Variants in VLDLR observed in about 807,000 individuals in gnomAD.
The protein encoded by VLDLR is very low-density lipoprotein receptor.
A neutral mutation model predicts 112.7 loss-of-function variants in VLDLR; 81 were observed. The observed-to-expected ratio is 0.72, with a 90% confidence interval of 0.60 to 0.86. VLDLR has a LOEUF of 0.86. Ranked by LOEUF, VLDLR falls within the 40% of genes least tolerant of loss-of-function variation. The pLI, the probability that VLDLR is intolerant of heterozygous loss-of-function variation, is 0.00. For synonymous variants in VLDLR, 436 were observed against 384.8 expected (o/e 1.13, Z -1.56); for missense variants, 1,237 against 1,099.4 (o/e 1.13, Z -1.77).
chr9:2,648,142 G>A, intron 12 of VLDLR, 66 bp from the exon 13 acceptor site: 1 of 1,596,382 alleles, frequency 6.3e-7, no homozygotes. Flanking sequence ...TAATTCATTA[G>A]ATATTTTTAA....
chr9:2,654,576 T>TAAC lies in VLDLR; in HGVS notation c.*709_*711dup, dbSNP rs1488316940. On this transcript the variant is annotated 3_prime_UTR_variant, in exon 19 of 19. Transcript: ENST00000382100. ...GTGAGCTGTAGTTCTTGATGTTGTA[T>TAAC]AACTAAGCCTGTAATTGGGCTGGTT... 1 of 153,122 alleles carries TAAC rather than the reference T, an allele frequency of 6.5e-6. No homozygotes were observed. The highest frequency in any genetic ancestry group is 2.4e-5 in the African/African-American group (1 of 41,460). The allele number at this position is 153,122 out of a possible 1,614,324, so 9.5% of individuals were successfully genotyped here.
In VLDLR at chr9:2,641,371, C is replaced by T; in HGVS notation, c.326-6C>T. ...AGGCTCTTTTGAGACTGTATATCAT[C>T]AACAGATATGAGAACATGCCGCATA... On this transcript the variant is annotated splice_polypyrimidine_tract_variant and splice_region_variant and intron_variant, in intron 3 of 18. Coordinates refer to ENST00000382100, the MANE Select transcript of VLDLR (RefSeq NM_003383.5). The T allele has an allele frequency of 6.2e-7, 1 of 1,614,092 alleles. No individual in the cohort carries two copies. The highest frequency in any genetic ancestry group is 1.7e-5 in the Admixed American group (1 of 60,020).
At chr9:2,627,679 A>G (rs10114637) in intron 1 of VLDLR, among the ~76,000 whole-genome samples, 14,098 of 152,120 alleles carry the variant, frequency 0.093, 736 homozygotes, top group East Asian at 0.15. Flanking sequence ...CCTGGCCAAC[A>G]TAGTGAAAGC....
chr9:2,643,639 T>C lies in VLDLR; in HGVS notation c.832T>C (p.Cys278Arg). Reference protein sequence around the residue: ...SDEVNCPSRTCRPDQFECEDG... With the variant: ...SDEVNCPSRTRRPDQFECEDG... Reference sequence around the variant, plus strand: ...TCCTCCCTTTGTAGCCTCTCGAACTTGCCGACCTGACCAATTTGAATGTGA... The same window carrying C: ...TCCTCCCTTTGTAGCCTCTCGAACTCGCCGACCTGACCAATTTGAATGTGA... Residue 278 changes from cysteine (C) to arginine (R), a missense_variant, in exon 6 of 19, where the codon TGC becomes CGC. Physicochemically the swap from Cys to Arg is radical, Grantham distance 180. Coordinates refer to ENST00000382100, the MANE Select transcript of VLDLR (RefSeq NM_003383.5). 6.2e-7 allele frequency: 1 copy of C among 1,614,214 alleles called. No individual in the cohort carries two copies. The highest frequency in any genetic ancestry group is 1.6e-4 in the Middle Eastern group (1 of 6,062).
At chr9:2,652,230 A>G (rs1350598896) in intron 17 of VLDLR, among the ~76,000 whole-genome samples, 3 of 152,178 alleles carry the variant, frequency 2.0e-5, no homozygotes, top group Non-Finnish European at 4.4e-5. Flanking sequence ...CCCTTTTATA[A>G]TAAGTCTCTT....
chr9:2,646,420 A>G lies in VLDLR; in HGVS notation c.1571A>G (p.Tyr524Cys), dbSNP rs1333805480. Reference sequence around the variant, plus strand: ...GCAGCCATTGCTGTTGATTGGGTGTACAAGACCATCTACTGGACTGATGCG... The same window carrying G: ...GCAGCCATTGCTGTTGATTGGGTGTGCAAGACCATCTACTGGACTGATGCG... Reference protein sequence around the residue: ...NPAAIAVDWVYKTIYWTDAAS... With the variant: ...NPAAIAVDWVCKTIYWTDAAS... Residue 524 changes from tyrosine to cysteine, a missense_variant, in exon 11 of 19, where the codon TAC (tyrosine) becomes TGC (cysteine). Transcript: ENST00000382100. 5 of 1,614,190 alleles carry G rather than the reference A, an allele frequency of 3.1e-6. No individual in the cohort carries two copies. The highest frequency in any genetic ancestry group is 4.2e-6 in the Non-Finnish European group (5 of 1,180,020).
chr9:2,633,043 A>AGT (rs1177839239), intron 1 of VLDLR, among the ~76,000 whole-genome samples: 7 of 99,680 alleles, frequency 7.0e-5, no homozygotes, highest in African/African-American at 1.3e-4. Context: ...AGAGAGAGAG[A>AGT]GAGAGAGAGT....
intron 1 of VLDLR, among the ~76,000 whole-genome samples, chr9:2,634,268 T>G (rs1349811859): frequency 1.3e-5 from 2 of 151,942 alleles, no homozygotes; most frequent in East Asian, 3.9e-4. Context: ...AACACAAGAG[T>G]TCCAGTCTGT....
At chr9:2,645,802 G>T in intron 10 of VLDLR, 57 bp downstream of exon 10, 3 of 1,605,212 alleles carry the variant, frequency 1.9e-6, no homozygotes. Context: ...CTTGGGAAGT[G>T]ATCTGTGGGA....
chr9:2,632,570 C>A (rs1215975260), intron 1 of VLDLR, among the ~76,000 whole-genome samples: 1 of 152,166 alleles, frequency 6.6e-6, no homozygotes, highest in African/African-American at 2.4e-5. Context: ...GTCCACAATC[C>A]TATAATCCCA....
At chr9:2,636,364 T>C (rs1006888416) in intron 2 of VLDLR, among the ~76,000 whole-genome samples, 1 of 152,266 alleles carries the variant, frequency 6.6e-6, no homozygotes, top group Non-Finnish European at 1.5e-5. Context: ...TTTTAAAAGA[T>C]GTTATATAAA....
At chr9:2,650,191 A>G (rs1413715408) in intron 14 of VLDLR, among the ~76,000 whole-genome samples, 179 bp from the exon 15 acceptor site, 1 of 152,146 alleles carries the variant, frequency 6.6e-6, no homozygotes, top group African/African-American at 2.4e-5. Context: ...TCCTTAGAGC[A>G]TGCTGCCTGT....
chr9:2,653,811 C>A (rs1192707269), intron 18 of VLDLR, 22 bp from the exon 19 acceptor site: 2 of 1,613,726 alleles, frequency 1.2e-6, no homozygotes, highest in African/African-American at 2.7e-5. Context: ...CAAGCTCATT[C>A]TATACTTCTT....
intron 4 of VLDLR, 39 bp from the exon 5 acceptor site, chr9:2,643,121 C>G (rs777147803): frequency 1.2e-6 from 2 of 1,602,292 alleles, no homozygotes; most frequent in African/African-American, 1.3e-5. Flanking sequence ...ACGGACCAAT[C>G]TTGATGCATT....
chr9:2,646,343 T>G lies in VLDLR; in HGVS notation c.1494T>G (p.Ile498Met). 6.2e-7 allele frequency: 1 copy of G among 1,614,162 alleles called. No homozygotes were observed. Among genetic ancestry groups the G allele is most frequent in the South Asian group, 1.1e-5 (1 of 91,080 alleles). The change falls in exon 11 of 19, where the codon ATT becomes ATG. Residue 498 changes from isoleucine to methionine, a missense_variant. Coordinates refer to ENST00000382100, the MANE Select transcript of VLDLR (RefSeq NM_003383.5). The stretch of plus-strand genomic sequence containing the variant: ...ACCTATTCTGTTTCAGTGCCTCAAT[T>G]GATGACAAGGTTGGTAGACATGTTA... ...LSQKAIFSAS[I>M]DDKVGRHVKM...
At position 2,657,281 on chromosome 9, in the gene VLDLR, A is replaced by G. The variant is rs886128490; in HGVS notation, c.*3413A>G. The G allele has an allele frequency of 1.3e-5, 2 of 152,342 alleles. No homozygotes were observed. Among genetic ancestry groups the G allele is most frequent in the East Asian group, 3.9e-4 (2 of 5,190 alleles). The allele number at this position is 152,342 out of a possible 1,614,324, so 9.4% of individuals were successfully genotyped here. A position where few individuals can be genotyped will look rare whatever the true frequency, so the allele number is the denominator to read the frequency against. ...ATTTATTATTTTGAATCCAAATGAA[A>G]GCTATACTGTTTGCTTTCAATGGTG... On this transcript the variant is annotated 3_prime_UTR_variant, in exon 19 of 19. Coordinates refer to ENST00000382100, the MANE Select transcript of VLDLR (RefSeq NM_003383.5).
intron 14 of VLDLR, among the ~76,000 whole-genome samples, chr9:2,649,931 G>T (rs1475257638): frequency 6.6e-6 from 1 of 152,114 alleles, no homozygotes; most frequent in Non-Finnish European, 1.5e-5. Flanking sequence ...AAAACACTTG[G>T]CTGGTTCTAT....
At position 2,643,855 on chromosome 9, in the gene VLDLR, C is replaced by G; in HGVS notation, c.962C>G (p.Pro321Arg). ...TTTGTAGTCAATCAGTGCTTGGGCC[C>G]TGGAAAATTCAAGTGCAGAAGTGGA... is the stretch of plus-strand genomic sequence containing the variant. The part of the protein sequence containing the change: ...NCKNVNQCLG[P>R]GKFKCRSGEC... Residue 321 changes from proline (P) to arginine (R), a missense_variant, in exon 7 of 19, where the codon CCT becomes CGT. By Grantham distance (103) the Pro-to-Arg change is moderately radical. Coordinates refer to ENST00000382100, the MANE Select transcript of VLDLR (RefSeq NM_003383.5). 6.2e-7 allele frequency: 1 copy of G among 1,614,172 alleles called. No homozygotes were observed. The highest frequency in any genetic ancestry group is 2.2e-5 in the East Asian group (1 of 44,874).
In VLDLR at chr9:2,622,045, C is replaced by T. The variant is rs1816806607; in HGVS notation, c.-145C>T. 9.8e-6 allele frequency: 8 copies of T among 816,098 alleles called. No individual in the cohort carries two copies. The highest frequency in any genetic ancestry group is 1.5e-5 in the Non-Finnish European group (8 of 539,400). 50.6% of individuals were successfully genotyped at this position (816,098 alleles called of 1,614,324 possible). On this transcript the variant is annotated 5_prime_UTR_variant, in exon 1 of 19. Transcript: ENST00000382100. ...GGGGTGCCCTCTTCTTCCCCGCTCC[C>T]TTCCCCCGCCAACTCCTTCCCCTCC...
Sources: gnomAD v4.1 joint callset for allele counts (sites outside exome capture counted in the v4.1 genomes callset) on GRCh38, gnomAD v4.1.1 for gene constraint, MANE v1.5 for transcripts, NCBI Gene and HGNC (gene_info 2026-07-23, HGNC 2026-07-21) for gene names.